The following ELAPOR1 variants were observed in gnomAD, a reference collection of about 807,000 sequenced individuals.
ELAPOR1 encodes the protein endosome/lysosome-associated apoptosis and autophagy regulator 1.
Under a neutral mutation model 119.7 loss-of-function variants are expected in ELAPOR1, and 77 were observed. The observed-to-expected ratio is 0.64, with a 90% CI of 0.54 to 0.78. ELAPOR1 has a LOEUF of 0.78. ELAPOR1 is among the 30% of genes least tolerant of loss of function. The probability of loss-of-function intolerance (pLI) is 0.00; values close to 1 mark genes in which losing one functional copy is unlikely to be tolerated. For missense variants in ELAPOR1, 1,115 were observed against 1,270.4 expected (o/e 0.88, Z 1.86); for synonymous variants, 481 against 487.2 (o/e 0.99, Z 0.17).
intron 5 of ELAPOR1, 123 bp from the exon 6 acceptor site, chr1:109,173,351 A>G: frequency 2.6e-6 from 2 of 768,020 alleles, no homozygotes; most frequent in Non-Finnish European, 4.4e-6. Context: ...AAGAGGAGGA[A>G]GAGGGTCAGA....
chr1:109,188,774 T>C (rs1383546706), intron 9 of ELAPOR1, among the ~76,000 whole-genome samples: 2 of 152,206 alleles, frequency 1.3e-5, no homozygotes, highest in African/African-American at 4.8e-5. Flanking sequence ...ATGACAATAA[T>C]ATGAACTATA....
intron 2 of ELAPOR1, among the ~76,000 whole-genome samples, chr1:109,163,347 AG>A (rs1166843339): frequency 6.6e-6 from 1 of 152,178 alleles, no homozygotes; most frequent in Non-Finnish European, 1.5e-5. Context: ...ACCAAAAGGG[AG>A]TGCCTGTTTA....
intron 2 of ELAPOR1, among the ~76,000 whole-genome samples, chr1:109,162,927 C>T (rs867376274): frequency 6.6e-6 from 1 of 152,210 alleles, no homozygotes; most frequent in African/African-American, 2.4e-5. Flanking sequence ...AAGGCACACT[C>T]TCTGCTTTCA....
At chr1:109,124,752 T>C (rs1037553052) in intron 1 of ELAPOR1, among the ~76,000 whole-genome samples, 3 of 152,198 alleles carry the variant, frequency 2.0e-5, no homozygotes, top group African/African-American at 7.2e-5. Flanking sequence ...CATAAATTAA[T>C]AGGCAATGCA....
intron 3 of ELAPOR1, among the ~76,000 whole-genome samples, chr1:109,165,748 C>CTTTT (rs757259868): frequency 5.9e-5 from 8 of 135,396 alleles, no homozygotes; most frequent in African/African-American, 1.1e-4. Flanking sequence ...TCTTCTTCTT[C>CTTTT]TTTTTTTTTT....
At position 109,198,588 on chromosome 1, in the gene ELAPOR1, C is replaced by T. The variant is rs756226325; in HGVS notation, c.2415C>T (p.Thr805=). 4.5e-5 allele frequency: 72 copies of T among 1,613,506 alleles called. No individual in the cohort carries two copies. Among genetic ancestry groups the T allele is most frequent in the Non-Finnish European group, 5.3e-5 (63 of 1,179,848 alleles). Residue 805 remains threonine (T), a synonymous_variant, in exon 18 of 22, where the codon ACC becomes ACT. Transcript: ENST00000369939. ...TTCTCTGCAGGTCCAATGATGTGACCCAGTCCTGCAGTTCTGGGAGATCAA... is the reference window on the plus strand; with the variant it reads ...TTCTCTGCAGGTCCAATGATGTGACTCAGTCCTGCAGTTCTGGGAGATCAA... ...VIFFYRSNDV[T]QSCSSGRSTT... is the part of the protein sequence containing the mutation.
In ELAPOR1 at chr1:109,189,093, A is replaced by G; in HGVS notation, c.1247A>G (p.Glu416Gly). ...SDCTRCPAGT[E>G]PAVGFEYKWW... ...TGTACCCGCTGCCCTGCAGGGACTGAACCTGCTGTGGGATTTGAATACAAA... is the reference window on the plus strand; with the variant it reads ...TGTACCCGCTGCCCTGCAGGGACTGGACCTGCTGTGGGATTTGAATACAAA... The change falls in exon 10 of 22, where the codon GAA (glutamate) becomes GGA (glycine). Residue 416 changes from glutamate (E) to glycine (G), a missense_variant. Glu to Gly is a moderately conservative substitution (Grantham distance 98). Coordinates refer to ENST00000369939, the MANE Select transcript of ELAPOR1 (RefSeq NM_020775.5). 6.2e-7 allele frequency: 1 copy of G among 1,614,028 alleles called. No homozygotes were observed. Among genetic ancestry groups the G allele is most frequent in the Non-Finnish European group, 8.5e-7 (1 of 1,179,958 alleles).
At chr1:109,125,897 T>C (rs976088116) in intron 1 of ELAPOR1, among the ~76,000 whole-genome samples, 22 of 152,226 alleles carry the variant, frequency 1.4e-4, no homozygotes, top group African/African-American at 5.3e-4. Context: ...TACATCATTC[T>C]TAATCTTCCA....
At chr1:109,125,562 T>C (rs1344150919) in intron 1 of ELAPOR1, among the ~76,000 whole-genome samples, 1 of 151,722 alleles carries the variant, frequency 6.6e-6, no homozygotes, top group Non-Finnish European at 1.5e-5. Flanking sequence ...CCGGTTGTAT[T>C]TTTAGTAGAG....
Position 109,198,646 on chromosome 1 carries a change from A to C in ELAPOR1, c.2473A>C (p.Thr825Pro), listed in dbSNP as rs972056915. The C allele has an allele frequency of 1.2e-6, 2 of 1,613,672 alleles. No homozygotes were observed. The highest frequency in any genetic ancestry group is 2.7e-5 in the African/African-American group (2 of 74,920). Residue 825 changes from threonine (T) to proline (P), a missense_variant, in exon 18 of 22, where the codon ACT becomes CCT. By Grantham distance (38) the Thr-to-Pro change is conservative. Transcript: ENST00000369939. ...TIRVRCSPQKTVPGSLLLPGT... is the reference protein window; with the variant it reads ...TIRVRCSPQKPVPGSLLLPGT... Reference sequence around the variant, plus strand: ...CCGCGTCAGGTGCAGTCCACAGAAAACTGTCCCTGGAAGTTTGCTGCTGCC... The same window carrying C: ...CCGCGTCAGGTGCAGTCCACAGAAACCTGTCCCTGGAAGTTTGCTGCTGCC...
At chr1:109,147,031 G>C (rs2101011130) in intron 1 of ELAPOR1, among the ~76,000 whole-genome samples, 1 of 151,534 alleles carries the variant, frequency 6.6e-6, no homozygotes, top group East Asian at 1.9e-4. Flanking sequence ...TCAGCCTCCG[G>C]AATAGCTGGG....
chr1:109,117,363 C>A (rs1404195251), intron 1 of ELAPOR1, among the ~76,000 whole-genome samples: 1 of 152,194 alleles, frequency 6.6e-6, no homozygotes, highest in Non-Finnish European at 1.5e-5. Context: ...TCCCAAGGTG[C>A]AGTGAAGCAA....
At position 109,144,059 on chromosome 1, in the gene ELAPOR1, A is replaced by AT. The variant is rs1243626258; in HGVS notation, c.154-17834dup. 1.2e-3 allele frequency among the ~76,000 whole-genome samples: 40 copies of AT among 34,408 alleles called. 1 individual carries two copies. Among genetic ancestry groups the AT allele is most frequent in the African/African-American group, 2.8e-3 (36 of 12,946 alleles). 22.6% of individuals were successfully genotyped at this position (34,408 alleles called of 152,430 possible). On this transcript the variant is annotated intron_variant, in intron 1 of 21. Coordinates refer to ENST00000369939, the MANE Select transcript of ELAPOR1 (RefSeq NM_020775.5). Reference sequence around the variant, plus strand: ...TATATATATATATATATATATTTATATATTTTTTTTTTTTTTTGAGATGGA... The same window carrying AT: ...TATATATATATATATATATATTTATATTATTTTTTTTTTTTTTTGAGATGGA...
chr1:109,163,701 ATC>A (rs1265395719), intron 2 of ELAPOR1, among the ~76,000 whole-genome samples: 2 of 152,112 alleles, frequency 1.3e-5, no homozygotes, highest in Non-Finnish European at 2.9e-5. Context: ...GCCTGATCAC[ATC>A]TGTTTTAGAA....
At position 109,201,242 on chromosome 1, in the gene ELAPOR1, G is replaced by A. The variant is rs1654155971; in HGVS notation, c.2973+342G>A. On this transcript the variant is annotated intron_variant, in intron 21 of 21. Transcript: ENST00000369939. ...TCCTTTTTTTATTTTCACTGAAAAG[G>A]GAAAAGGTGATCTCTGGGATCAACT... 3 of 460,736 alleles carry A rather than the reference G, an allele frequency of 6.5e-6. No homozygotes were observed. The Admixed American group carries it at 7.3e-5, about 11-fold the overall frequency. 28.5% of individuals were successfully genotyped at this position (460,736 alleles called of 1,614,324 possible). A position where few individuals can be genotyped will look rare whatever the true frequency, so the allele number is the denominator to read the frequency against.
At chr1:109,171,842 A>G in intron 3 of ELAPOR1, 24 bp from the exon 4 acceptor site, 1 of 1,613,552 alleles carries the variant, frequency 6.2e-7, no homozygotes, top group Non-Finnish European at 8.5e-7. Flanking sequence ...CCTGCCTGTG[A>G]ACCTGGTTCC....
chr1:109,179,243 A>C (rs1652546769), intron 7 of ELAPOR1, among the ~76,000 whole-genome samples: 1 of 151,556 alleles, frequency 6.6e-6, no homozygotes. Flanking sequence ...TCTACTAAAA[A>C]TTCAAAAAAT....
chr1:109,187,310 C>A (rs1653112281), intron 8 of ELAPOR1: 1 of 985,510 alleles, frequency 1.0e-6, no homozygotes, highest in South Asian at 4.7e-5. Flanking sequence ...GGGGCTCTGG[C>A]TGTCGCAGCC....
chr1:109,190,955 G>C (rs139708004), intron 11 of ELAPOR1, among the ~76,000 whole-genome samples: 1 of 152,174 alleles, frequency 6.6e-6, no homozygotes, highest in African/African-American at 2.4e-5. Context: ...CCTGGGAATC[G>C]TATTAACATG....
Sources: allele counts gnomAD v4.1 joint callset (sites outside exome capture counted in the v4.1 genomes callset), GRCh38; gene constraint gnomAD v4.1.1; transcripts MANE v1.5; gene names NCBI Gene and HGNC (gene_info 2026-07-23, HGNC 2026-07-21).